The following GSTCD variants were observed in gnomAD, a reference collection of about 807,000 sequenced individuals.
The protein encoded by GSTCD is glutathione S-transferase C-terminal domain-containing protein.
A neutral mutation model predicts 68.3 loss-of-function variants in GSTCD; 44 were observed. The observed-to-expected ratio is 0.64, with a 90% CI of 0.51 to 0.83. The LOEUF is 0.83. Ranked by LOEUF, GSTCD falls within the 40% of genes least tolerant of loss-of-function variation. The pLI is 0.00. For synonymous variants in GSTCD, 273 were observed against 255.2 expected, an observed-to-expected ratio of 1.07 and a Z score of -0.67; for missense variants, 739 against 735.9, an observed-to-expected ratio of 1.00 and a Z score of -0.05.
rs186502626 is a variant in GSTCD, at chr4:105,801,360, A to T, written c.1241-21594A>T. Among the ~76,000 whole-genome samples, 107 of 152,272 alleles carry T rather than the reference A, an allele frequency of 7.0e-4. 1 individual carries two copies. Among genetic ancestry groups the T allele is most frequent in the South Asian group, 3.9e-3 (19 of 4,828 alleles). The stretch of plus-strand genomic sequence containing the variant: ...AAGTAGGCAAATGCACAAATATAGA[A>T]TCTGCAAATAATGAGAATTGACTGT... On this transcript the variant is annotated intron_variant, in intron 5 of 11. Coordinates refer to ENST00000515279, the MANE Select transcript of GSTCD (RefSeq NM_001370181.1).
intron 5 of GSTCD, among the ~76,000 whole-genome samples, chr4:105,768,962 CTATTT>C (rs1255477477): frequency 6.6e-6 from 1 of 151,664 alleles, no homozygotes; most frequent in East Asian, 1.9e-4. Context: ...AAGCTATTCA[CTATTT>C]TATAGAATAT....
At position 105,717,734 on chromosome 4, in the gene GSTCD, T is replaced by G. The variant is rs779798391; in HGVS notation, c.121T>G (p.Cys41Gly). 6.2e-7 allele frequency: 1 copy of G among 1,613,772 alleles called. No individual in the cohort carries two copies. Among genetic ancestry groups the G allele is most frequent in the East Asian group, 2.2e-5 (1 of 44,864 alleles). Residue 41 changes from cysteine (C) to glycine (G), a missense_variant, in exon 2 of 12, where the codon TGT becomes GGT. Cys to Gly is a radical substitution (Grantham distance 159). Transcript: ENST00000515279. The part of the protein sequence containing the change: ...TSVTLFLLSY[C>G]DCKIFKICLV... ...TGTAACTTTATTTCTGTTATCTTACTGTGACTGTAAAATCTTTAAAATTTG... is the reference window on the plus strand; with the variant it reads ...TGTAACTTTATTTCTGTTATCTTACGGTGACTGTAAAATCTTTAAAATTTG...
intron 5 of GSTCD, among the ~76,000 whole-genome samples, chr4:105,752,621 T>A (rs1734045580): frequency 6.6e-6 from 1 of 152,106 alleles, no homozygotes; most frequent in African/African-American, 2.4e-5. Context: ...AATTGAATGT[T>A]TATTGAATAA....
chr4:105,841,561 ATGGTGGCTCATACC>A (rs1490109876), intron 10 of GSTCD, among the ~76,000 whole-genome samples: 3 of 152,126 alleles, frequency 2.0e-5, no homozygotes, highest in Non-Finnish European at 4.4e-5. Context: ...CCAGCTGGGC[ATGGTGGCTCATACC>A]TGTTAATCAC....
intron 5 of GSTCD, among the ~76,000 whole-genome samples, chr4:105,737,129 A>T (rs1456423973): frequency 1.3e-5 from 2 of 152,174 alleles, no homozygotes; most frequent in Non-Finnish European, 2.9e-5. Context: ...GCTAGATCCT[A>T]TAGTAGTTCT....
intron 3 of GSTCD, among the ~76,000 whole-genome samples, chr4:105,723,541 A>G (rs912964667): frequency 2.6e-5 from 4 of 151,948 alleles, no homozygotes; most frequent in Admixed American, 6.6e-5. Flanking sequence ...GGATGTGTAT[A>G]GGTTATATGC....
At chr4:105,808,426 C>T (rs1413215110) in intron 5 of GSTCD, among the ~76,000 whole-genome samples, 2 of 152,102 alleles carry the variant, frequency 1.3e-5, no homozygotes, top group Admixed American at 1.3e-4. Context: ...AGTCAAATCA[C>T]TTCTCACTAC....
At chr4:105,762,368 T>G (rs938583792) in intron 5 of GSTCD, among the ~76,000 whole-genome samples, 2 of 152,198 alleles carry the variant, frequency 1.3e-5, no homozygotes, top group African/African-American at 4.8e-5. Context: ...CTATAGTTTA[T>G]TTGGAGTCAG....
intron 5 of GSTCD, among the ~76,000 whole-genome samples, chr4:105,784,597 ATTAATTAC>A: frequency 6.6e-6 from 1 of 152,234 alleles, no homozygotes; most frequent in Non-Finnish European, 1.5e-5. Flanking sequence ...ATTAATTATC[ATTAATTAC>A]TATAATGTTT....
In GSTCD at chr4:105,729,386, G is replaced by A; in HGVS notation, c.1147-20G>A. ...CTATATTAATTCCTTAATTTAGAAA[G>A]AGGCTATTTCCTTTTCTAGGAAAAG... On this transcript the variant is annotated intron_variant, in intron 4 of 11. Transcript: ENST00000515279. 6.8e-7 allele frequency: 1 copy of A among 1,472,110 alleles called. No individual in the cohort carries two copies. The highest frequency in any genetic ancestry group is 1.2e-5 in the South Asian group (1 of 82,724). The allele number at this position is 1,472,110 out of a possible 1,614,324, so 91.2% of individuals were successfully genotyped here.
At chr4:105,766,007 A>G (rs1040896611) in intron 5 of GSTCD, among the ~76,000 whole-genome samples, 2 of 152,232 alleles carry the variant, frequency 1.3e-5, no homozygotes, top group Non-Finnish European at 2.9e-5. Flanking sequence ...GAACAGATTA[A>G]TACAGTCCCT....
chr4:105,775,557 G>C (rs1348202755), intron 5 of GSTCD, among the ~76,000 whole-genome samples: 1 of 152,160 alleles, frequency 6.6e-6, no homozygotes, highest in East Asian at 1.9e-4. Flanking sequence ...TGTTGATGTT[G>C]ATGCTATTCC....
intron 5 of GSTCD, among the ~76,000 whole-genome samples, chr4:105,787,135 T>C (rs748965881): frequency 2.0e-5 from 3 of 152,120 alleles, no homozygotes; most frequent in Non-Finnish European, 4.4e-5. Context: ...AAAATATTTT[T>C]TTTACTGATA....
intron 5 of GSTCD, among the ~76,000 whole-genome samples, chr4:105,751,520 C>A (rs1430404248): frequency 1.3e-5 from 2 of 152,168 alleles, no homozygotes. Context: ...TCAGACTTCA[C>A]AGGTTGCTAT....
chr4:105,800,925 C>T (rs575882443), intron 5 of GSTCD, among the ~76,000 whole-genome samples: 1 of 152,222 alleles, frequency 6.6e-6, no homozygotes. Context: ...ACTGAGTTCA[C>T]AGCCAACAGC....
At chr4:105,827,631 T>G (rs1309219290) in intron 8 of GSTCD, among the ~76,000 whole-genome samples, 2 of 152,140 alleles carry the variant, frequency 1.3e-5, no homozygotes, top group Non-Finnish European at 2.9e-5. Flanking sequence ...GTGTTAAATG[T>G]GTTCCAGTAT....
chr4:105,829,843 A>C (rs1490857012), intron 8 of GSTCD, among the ~76,000 whole-genome samples: 1 of 152,204 alleles, frequency 6.6e-6, no homozygotes, highest in African/African-American at 2.4e-5. Flanking sequence ...GGGAACGATC[A>C]GAGAACAAGA....
At chr4:105,751,090 T>G (rs898243156) in intron 5 of GSTCD, among the ~76,000 whole-genome samples, 2 of 152,138 alleles carry the variant, frequency 1.3e-5, no homozygotes, top group African/African-American at 4.8e-5. Context: ...TGCATGCATG[T>G]AAAAACTGGT....
chr4:105,719,637 A>G (rs1231680474), intron 3 of GSTCD, 110 bp downstream of exon 3: 4 of 754,526 alleles, frequency 5.3e-6, no homozygotes, highest in African/African-American at 5.3e-5. Context: ...TAGGAAAGTT[A>G]TTAATATCTT....
Sources: allele counts gnomAD v4.1 joint callset (sites outside exome capture counted in the v4.1 genomes callset), GRCh38; gene constraint gnomAD v4.1.1; transcripts MANE v1.5; gene names NCBI Gene and HGNC (gene_info 2026-07-23, HGNC 2026-07-21).